Variants in WDR75 observed in about 807,000 individuals in gnomAD.
WDR75 encodes the protein WD repeat domain 75.
Under a neutral mutation model 106.1 loss-of-function variants are expected in WDR75, and 52 were observed. The observed-to-expected ratio is 0.49, with a 90% CI of 0.39 to 0.62. WDR75 has a LOEUF of 0.62. WDR75 is among the 20% of genes least tolerant of loss of function. WDR75 has a pLI of 0.00. For missense variants in WDR75, 905 were observed against 970.3 expected (o/e 0.93, Z 0.89); for synonymous variants, 333 against 335.5 (o/e 0.99, Z 0.08).
At chr2:189,456,303 A>C (rs1686735625) in intron 5 of WDR75, among the ~76,000 whole-genome samples, 1 of 152,164 alleles carries the variant, frequency 6.6e-6, no homozygotes, top group Non-Finnish European at 1.5e-5. Context: ...CTACATAAAG[A>C]GATGAAAACA....
chr2:189,449,704 A>G, intron 2 of WDR75: 1 of 989,138 alleles, frequency 1.0e-6, no homozygotes, highest in Non-Finnish European at 1.2e-6. Context: ...CAGTAATTAT[A>G]TGTTTGACTT....
At chr2:189,450,535 T>C (rs1051203523) in intron 2 of WDR75, 2 of 990,316 alleles carry the variant, frequency 2.0e-6, no homozygotes, top group African/African-American at 3.5e-5. Flanking sequence ...CAGGCTGGTC[T>C]CGAACTCCTG....
intron 14 of WDR75, among the ~76,000 whole-genome samples, chr2:189,468,241 C>T (rs752488322): frequency 2.0e-5 from 3 of 151,998 alleles, no homozygotes; most frequent in South Asian, 2.1e-4. Context: ...ATTGGTATAC[C>T]GCACAGTGTG....
chr2:189,446,782 A>G (rs1328502119), intron 1 of WDR75, among the ~76,000 whole-genome samples: 1 of 152,236 alleles, frequency 6.6e-6, no homozygotes, highest in Non-Finnish European at 1.5e-5. Context: ...ATAAAGTTTA[A>G]GTTATAAATC....
At position 189,468,542 on chromosome 2, in the gene WDR75, T is replaced by C; in HGVS notation, c.1696T>C (p.Cys566Arg). Residue 566 changes from cysteine (C) to arginine (R), a missense_variant, in exon 15 of 21, where the codon TGC (cysteine) becomes CGC (arginine). Coordinates refer to ENST00000314761, the MANE Select transcript of WDR75 (RefSeq NM_032168.3). ...LLGATENGIL[C>R]CWNLLSCALE... is the part of the protein sequence containing the mutation. ...TGGTGCTACTGAAAATGGCATTCTTTGCTGTTGGAATCTGCTGAGCTGTGC... is the reference window on the plus strand; with the variant it reads ...TGGTGCTACTGAAAATGGCATTCTTCGCTGTTGGAATCTGCTGAGCTGTGC... 1 of 1,613,362 alleles carries C rather than the reference T, an allele frequency of 6.2e-7. No individual in the cohort carries two copies. Among genetic ancestry groups the C allele is most frequent in the Non-Finnish European group, 8.5e-7 (1 of 1,179,418 alleles).
chr2:189,448,323 T>G, intron 1 of WDR75, 56 bp from the exon 2 acceptor site: 1 of 1,529,978 alleles, frequency 6.5e-7, no homozygotes, highest in Non-Finnish European at 8.8e-7. Flanking sequence ...TTTTCAGCAG[T>G]GTGAAAACAG....
chr2:189,451,026 ATGGT>A (rs1217049763), intron 3 of WDR75, 58 bp downstream of exon 3: 1 of 1,571,094 alleles, frequency 6.4e-7, no homozygotes, highest in African/African-American at 1.4e-5. Context: ...ATGTAATTTA[ATGGT>A]AGATGTACTG....
intron 8 of WDR75, among the ~76,000 whole-genome samples, chr2:189,460,278 G>A (rs1686850315): frequency 6.6e-6 from 1 of 152,078 alleles, no homozygotes; most frequent in South Asian, 2.1e-4. Context: ...AGTCTTAGAT[G>A]GTACCATATG....
chr2:189,469,931 C>T lies in WDR75; in HGVS notation c.1820-145C>T, dbSNP rs149018587. 2,633 of 688,674 alleles carry T rather than the reference C, an allele frequency of 3.8e-3. 46 individuals carry two copies. The highest frequency in any genetic ancestry group is 1.0e-3 in the Non-Finnish European group (417 of 406,208). 42.7% of individuals were successfully genotyped at this position (688,674 alleles called of 1,614,324 possible). ...GCCCATAGTAGGAACACAGTAGATA[C>T]CTCTTGAATCAAAGCCTAAAACAGT... On this transcript the variant is annotated intron_variant, in intron 16 of 20. Coordinates refer to ENST00000314761, the MANE Select transcript of WDR75 (RefSeq NM_032168.3).
chr2:189,454,289 TAAG>T (rs1214978863), intron 4 of WDR75, among the ~76,000 whole-genome samples: 2 of 152,088 alleles, frequency 1.3e-5, no homozygotes, highest in African/African-American at 2.4e-5. Flanking sequence ...AGAATACCCT[TAAG>T]GAGATATTTT....
At position 189,475,419 on chromosome 2, in the gene WDR75, C is replaced by G; in HGVS notation, c.*2C>G. ...TACAGCTGGATAGCTGCCCTTTAAG[C>G]CTTGGAGATGGGGAGGATCCTTGGA... On this transcript the variant is annotated 3_prime_UTR_variant, in exon 21 of 21. Transcript: ENST00000314761. 1 of 1,583,594 alleles carries G rather than the reference C, an allele frequency of 6.3e-7. No homozygotes were observed. The highest frequency in any genetic ancestry group is 1.2e-5 in the South Asian group (1 of 86,024).
In WDR75 at chr2:189,445,461, A is replaced by C. The variant is rs1222123793; in HGVS notation, c.87-2918A>C. Reference sequence around the variant, plus strand: ...CTGATCTAGAATGAGAAGATGAGGAAGGGCTTCCGGGAGAAAATTCTGAGC... The same window carrying C: ...CTGATCTAGAATGAGAAGATGAGGACGGGCTTCCGGGAGAAAATTCTGAGC... On this transcript the variant is annotated intron_variant, in intron 1 of 20. Coordinates refer to ENST00000314761, the MANE Select transcript of WDR75 (RefSeq NM_032168.3). 3.9e-5 allele frequency among the ~76,000 whole-genome samples: 6 copies of C among 152,102 alleles called. No individual in the cohort carries two copies. The East Asian group carries it at 1.2e-3, about 29-fold the overall frequency.
intron 4 of WDR75, 112 bp downstream of exon 4, chr2:189,452,007 G>A: frequency 2.7e-6 from 2 of 754,042 alleles, no homozygotes; most frequent in Non-Finnish European, 2.1e-6. Context: ...TTTAGAATGG[G>A]CATTTAAATT....
At chr2:189,445,571 G>A (rs1461602836) in intron 1 of WDR75, among the ~76,000 whole-genome samples, 1 of 152,180 alleles carries the variant, frequency 6.6e-6, no homozygotes, top group African/African-American at 2.4e-5. Flanking sequence ...GAGAAGATAT[G>A]ACAACTAAGG....
chr2:189,465,060 G>A lies in WDR75; in HGVS notation c.1114-19G>A. 6.5e-7 allele frequency: 1 copy of A among 1,535,250 alleles called. No homozygotes were observed. Among genetic ancestry groups the A allele is most frequent in the South Asian group, 1.2e-5 (1 of 80,016 alleles). On this transcript the variant is annotated intron_variant, in intron 11 of 20. Transcript: ENST00000314761. ...ATGTTAATAAACATTTTGGTTTTTT[G>A]GTTTTTTTTACTCATCAGTTAGATA...
rs572873300 is a variant in WDR75, at chr2:189,462,775, A to T, written c.937+133A>T. 9 of 789,302 alleles carry T rather than the reference A, an allele frequency of 1.1e-5. No individual in the cohort carries two copies. The East Asian group carries it at 2.2e-4, about 19-fold the overall frequency. 48.9% of individuals were successfully genotyped at this position (789,302 alleles called of 1,614,324 possible). A position where few individuals can be genotyped will look rare whatever the true frequency, so the allele number is the denominator to read the frequency against. On this transcript the variant is annotated intron_variant, in intron 9 of 20. Transcript: ENST00000314761. ...ATTTAATGAGCCTTCTTTTCCTTGC[A>T]TTACTCCTCTCTTTTCCACCCCTCT...
At chr2:189,445,297 G>A (rs1284074906) in intron 1 of WDR75, among the ~76,000 whole-genome samples, 1 of 152,202 alleles carries the variant, frequency 6.6e-6, no homozygotes, top group African/African-American at 2.4e-5. Flanking sequence ...TTTCTAATAA[G>A]TGAAAACACA....
rs542209029 is a variant in WDR75 at position 189,467,615 on chromosome 2, A to C, written c.1595A>C (p.Lys532Thr). The C allele has an allele frequency of 2.1e-5, 34 of 1,603,720 alleles. 1 individual carries two copies. In the South Asian group the frequency reaches 3.8e-4, roughly 18 times the overall value. Residue 532 changes from lysine to threonine, a missense_variant, in exon 14 of 21, where the codon AAA (lysine) becomes ACA (threonine). Coordinates refer to ENST00000314761, the MANE Select transcript of WDR75 (RefSeq NM_032168.3). ...TGGGATTCTGTAACATGGGAACTTAAATGTACATTTTGCCAACGAGCTGGG... is the reference window on the plus strand; with the variant it reads ...TGGGATTCTGTAACATGGGAACTTACATGTACATTTTGCCAACGAGCTGGG... ...TIWDSVTWEL[K>T]CTFCQRAGKI...
intron 2 of WDR75, chr2:189,450,132 T>C: frequency 1.0e-6 from 1 of 957,374 alleles, no homozygotes. Context: ...CACTTTGACA[T>C]TGCCTCAGCA....
Sources: gnomAD v4.1 joint callset for allele counts (sites outside exome capture counted in the v4.1 genomes callset) on GRCh38, gnomAD v4.1.1 for gene constraint, MANE v1.5 for transcripts, NCBI Gene and HGNC (gene_info 2026-07-23, HGNC 2026-07-21) for gene names.